Variants in PDE1B observed in about 807,000 individuals in gnomAD.
The protein encoded by PDE1B is dual specificity calcium/calmodulin-dependent 3',5'-cyclic nucleotide phosphodiesterase 1B.
Under a neutral mutation model 66.7 loss-of-function variants are expected in PDE1B, and 13 were observed. That is an observed-to-expected ratio of 0.19 (90% CI 0.13 to 0.31). The LOEUF is 0.31. Ranked by LOEUF, PDE1B falls within the 10% of genes least tolerant of loss-of-function variation. The pLI, the probability that PDE1B is intolerant of heterozygous loss-of-function variation, is 1.00. For missense variants in PDE1B, 485 were observed against 682.3 expected, an observed-to-expected ratio of 0.71 and a Z score of 3.22; for synonymous variants, 230 against 253.9, an observed-to-expected ratio of 0.91 and a Z score of 0.90.
At chr12:54,559,118 G>T (rs1036498445) in intron 2 of PDE1B, among the ~76,000 whole-genome samples, 1 of 151,922 alleles carries the variant, frequency 6.6e-6, no homozygotes, top group Non-Finnish European at 1.5e-5. Flanking sequence ...ATAAACTTAC[G>T]CCCTCTTTCT....
intron 15 of PDE1B, 140 bp downstream of exon 15, chr12:54,577,485 G>A: frequency 6.3e-7 from 1 of 1,596,984 alleles, no homozygotes; most frequent in Non-Finnish European, 8.5e-7. Flanking sequence ...GACATAGAAT[G>A]GAGCCAAAGT....
chr12:54,556,212 C>T (rs1363205069), intron 2 of PDE1B, among the ~76,000 whole-genome samples: 2 of 152,106 alleles, frequency 1.3e-5, no homozygotes, highest in Admixed American at 1.3e-4. Flanking sequence ...ACCAGGACAG[C>T]AGGTGGGGTG....
chr12:54,564,786 T>A (rs1262666711), intron 2 of PDE1B, among the ~76,000 whole-genome samples: 3 of 152,316 alleles, frequency 2.0e-5, no homozygotes, highest in African/African-American at 7.2e-5. Flanking sequence ...ACAGACCACA[T>A]TTTAAAAAGC....
chr12:54,564,330 TA>T (rs35068189), intron 2 of PDE1B, among the ~76,000 whole-genome samples: 45,711 of 139,136 alleles, frequency 0.33, 10,044 homozygotes, highest in African/African-American at 0.65. Context: ...CCTTGTCTCT[TA>T]AAAAAAAAAA....
chr12:54,576,462 G>A (rs915852620), intron 13 of PDE1B, 109 bp from the exon 14 acceptor site: 4 of 1,329,754 alleles, frequency 3.0e-6, no homozygotes, highest in African/African-American at 2.9e-5. Context: ...GGAAGATGAA[G>A]TTCCCTGAAC....
intron 2 of PDE1B, among the ~76,000 whole-genome samples, chr12:54,557,243 T>C (rs759047045): frequency 2.6e-5 from 4 of 152,246 alleles, no homozygotes; most frequent in Admixed American, 2.0e-4. Flanking sequence ...TCTCTCCCCT[T>C]CTGCTCTTCT....
At position 54,549,725 on chromosome 12, in the gene PDE1B, T is replaced by G. The variant is rs1413381313; in HGVS notation, c.-61T>G. 4 of 555,224 alleles carry G rather than the reference T, an allele frequency of 7.2e-6. No homozygotes were observed. Among genetic ancestry groups the G allele is most frequent in the Non-Finnish European group, 1.3e-5 (4 of 316,300 alleles). 34.4% of individuals were successfully genotyped at this position (555,224 alleles called of 1,614,324 possible). A position where few individuals can be genotyped will look rare whatever the true frequency, so the allele number is the denominator to read the frequency against. The stretch of plus-strand genomic sequence containing the variant: ...CGCAGGAGCTGCAGCTCTGCCAGCT[T>G]GGGCCGAGCCTAGAGACACCGGCCT... On this transcript the variant is annotated 5_prime_UTR_variant, in exon 1 of 16. Transcript: ENST00000243052.
rs142403478 is a variant in PDE1B at position 54,573,856 on chromosome 12, T to TGA, written c.1064+161_1064+162dup. ...TCAGGTATCAGACTGCATCTCTATG[T>TGA]GAGAGAGAGAGAGAGTGTGTGTGTG... On this transcript the variant is annotated intron_variant, in intron 10 of 15. Transcript: ENST00000243052. This position sits in a 1 kb window ranked among gnomAD's most constrained non-coding sequence, Gnocchi z 5.2. 22,034 of 457,142 alleles carry TGA rather than the reference T, an allele frequency of 0.048. 638 individuals carry two copies. Among genetic ancestry groups the TGA allele is most frequent in the African/African-American group, 0.1 (4,046 of 39,596 alleles). The allele number at this position is 457,142 out of a possible 1,614,324, so 28.3% of individuals were successfully genotyped here. A position where few individuals can be genotyped will look rare whatever the true frequency, so the allele number is the denominator to read the frequency against.
intron 6 of PDE1B, chr12:54,570,798 A>T (rs891896096): frequency 1.2e-5 from 2 of 160,750 alleles, no homozygotes; most frequent in Admixed American, 1.2e-4. Context: ...AGAGAAGGTC[A>T]GCTCTTGACA....
intron 2 of PDE1B, among the ~76,000 whole-genome samples, chr12:54,556,465 C>T (rs1353534389): frequency 6.6e-6 from 1 of 152,144 alleles, no homozygotes; most frequent in Non-Finnish European, 1.5e-5. Flanking sequence ...GCCCTAGTAT[C>T]CCCCAGTCCT....
chr12:54,552,424 AT>A (rs1405239517), intron 2 of PDE1B, among the ~76,000 whole-genome samples: 2 of 152,202 alleles, frequency 1.3e-5, no homozygotes, highest in African/African-American at 2.4e-5. Flanking sequence ...ACTTGTATGT[AT>A]TTATCTAACT....
intron 2 of PDE1B, among the ~76,000 whole-genome samples, chr12:54,555,709 T>A (rs1957333875): frequency 6.6e-6 from 1 of 152,196 alleles, no homozygotes; most frequent in Admixed American, 6.5e-5. Context: ...CTTGAGAATT[T>A]GTGTCCAACT....
In PDE1B at chr12:54,575,533, C is replaced by A; in HGVS notation, c.1186-18C>A. On this transcript the variant is annotated intron_variant, in intron 11 of 15. Transcript: ENST00000243052. The surrounding 1 kb of genome is among the most constrained non-coding windows in gnomAD (Gnocchi z 4.0). ...TGAGGTATCCTCTCCAGCTTTCCTACCCTGTTCCCTCCTCTAGGGTGACAA... is the reference window on the plus strand; with the variant it reads ...TGAGGTATCCTCTCCAGCTTTCCTAACCTGTTCCCTCCTCTAGGGTGACAA... The A allele has an allele frequency of 6.3e-7, 1 of 1,588,204 alleles. No individual in the cohort carries two copies. The highest frequency in any genetic ancestry group is 8.6e-7 in the Non-Finnish European group (1 of 1,156,516).
At chr12:54,559,238 C>G (rs1957376076) in intron 2 of PDE1B, among the ~76,000 whole-genome samples, 1 of 145,594 alleles carries the variant, frequency 6.9e-6, no homozygotes, top group Admixed American at 6.9e-5. Context: ...CCACCCACCC[C>G]CACCCCTTTA....
At chr12:54,552,050 A>G (rs1957285140) in intron 2 of PDE1B, among the ~76,000 whole-genome samples, 1 of 152,254 alleles carries the variant, frequency 6.6e-6, no homozygotes, top group African/African-American at 2.4e-5. Context: ...TGGCAGGAAT[A>G]GATTCCCAGT....
intron 2 of PDE1B, chr12:54,554,090 T>C (rs1957313213): frequency 6.6e-6 from 1 of 152,206 alleles, no homozygotes; most frequent in Admixed American, 6.5e-5. Context: ...CTATGTGTGA[T>C]CTTGTGTATG....
chr12:54,570,177 CT>C, intron 5 of PDE1B, 63 bp from the exon 6 acceptor site: 1 of 941,110 alleles, frequency 1.1e-6, no homozygotes, highest in Admixed American at 1.7e-5. Flanking sequence ...GGAAGTCCTT[CT>C]TGAAGTCTAA....
At chr12:54,550,018 AC>A (rs756187753) in intron 2 of PDE1B, 33 bp downstream of exon 2, 30 of 1,608,126 alleles carry the variant, frequency 1.9e-5, no homozygotes, top group African/African-American at 2.7e-5. Context: ...GGGGGAAGGG[AC>A]CTTAGGGAGC....
chr12:54,570,961 A>G (rs1014582271), intron 6 of PDE1B: 1 of 152,428 alleles, frequency 6.6e-6, no homozygotes, highest in Non-Finnish European at 1.5e-5. Context: ...AAGTGCCAGG[A>G]AAAAAACAAA....
Sources: gnomAD v4.1 joint callset for allele counts (sites outside exome capture counted in the v4.1 genomes callset) on GRCh38, gnomAD v4.1.1 for gene constraint, Gnocchi (gnomAD v3.1) non-coding constraint, MANE v1.5 for transcripts, NCBI Gene and HGNC (gene_info 2026-07-23, HGNC 2026-07-21) for gene names.